NQO2: variants seen among roughly 807,000 people sequenced by gnomAD.
NQO2 encodes the protein N-ribosyldihydronicotinamide:quinone dehydrogenase 2, also known as ribosyldihydronicotinamide dehydrogenase [quinone].
NQO2 carries 18 observed loss-of-function variants against 22.0 expected under a neutral mutation model. The observed-to-expected ratio is 0.82, with a 90% CI of 0.56 to 1.21. The LOEUF (loss-of-function observed/expected upper bound fraction) is 1.21, where lower values mean the gene tolerates loss of function less well. NQO2 is among the 50% of genes most tolerant of loss of function. NQO2 has a pLI of 0.00. For synonymous variants in NQO2, 106 were observed against 110.8 expected (o/e 0.96, Z 0.28); for missense variants, 267 against 286.9 (o/e 0.93, Z 0.50).
intron 6 of NQO2, 107 bp downstream of exon 6, chr6:3,017,092 C>A: frequency 7.6e-7 from 1 of 1,310,406 alleles, no homozygotes; most frequent in Non-Finnish European, 1.1e-6. Context: ...ATGCCCTCAG[C>A]TCCCCGAGGG....
chr6:3,004,951 C>A (rs957490362), intron 1 of NQO2, among the ~76,000 whole-genome samples: 3 of 152,010 alleles, frequency 2.0e-5, no homozygotes, highest in Middle Eastern at 3.2e-3. Flanking sequence ...CACACCACCA[C>A]GCCCGGCTAA....
chr6:3,016,785 G>T (rs1367492799), intron 5 of NQO2, 99 bp from the exon 6 acceptor site: 47 of 1,536,252 alleles, frequency 3.1e-5, no homozygotes, highest in Non-Finnish European at 3.6e-5. Context: ...CCACACGCAT[G>T]TTCCCTGCTG....
chr6:3,010,074 C>T lies in NQO2; in HGVS notation c.57C>T (p.Asn19=), dbSNP rs569087749. ...CACACCAGGAACCCAAGTCTTTCAA[C>T]GGATCCTTGAAGAATGTGGCTGTAG... The part of the protein sequence containing the change: ...VYAHQEPKSF[N]GSLKNVAVDE... The change falls in exon 3 of 7, where the codon AAC becomes AAT. Residue 19 remains asparagine (N), a synonymous_variant. Coordinates refer to ENST00000380455, the MANE Select transcript of NQO2 (RefSeq NM_000904.6). 64 of 1,613,982 alleles carry T rather than the reference C, an allele frequency of 4.0e-5. No homozygotes were observed. Among genetic ancestry groups the T allele is most frequent in the Middle Eastern group, 1.6e-4 (1 of 6,062 alleles).
At chr6:3,017,221 A>T in intron 6 of NQO2, among the ~76,000 whole-genome samples, 1 of 152,236 alleles carries the variant, frequency 6.6e-6, no homozygotes, top group East Asian at 1.9e-4. Context: ...GAAAAGCTTG[A>T]CCAATAGGGA....
At chr6:3,018,667 T>G (rs915905782) in intron 6 of NQO2, among the ~76,000 whole-genome samples, 1 of 151,998 alleles carries the variant, frequency 6.6e-6, no homozygotes, top group Non-Finnish European at 1.5e-5. Flanking sequence ...GTGACATTTT[T>G]AGAAAAAAAG....
chr6:3,016,309 T>A (rs961843756), intron 5 of NQO2, among the ~76,000 whole-genome samples: 1 of 151,660 alleles, frequency 6.6e-6, no homozygotes, highest in Non-Finnish European at 1.5e-5. Context: ...TAGGCGCCTG[T>A]AGTCCCAGCT....
At chr6:3,018,249 G>A (rs1471517409) in intron 6 of NQO2, among the ~76,000 whole-genome samples, 2 of 152,348 alleles carry the variant, frequency 1.3e-5, no homozygotes, top group African/African-American at 4.8e-5. Flanking sequence ...GCTCACGCCT[G>A]TAATTCCAGC....
chr6:3,011,202 C>A (rs746921617), intron 3 of NQO2, among the ~76,000 whole-genome samples: 24 of 152,114 alleles, frequency 1.6e-4, no homozygotes, highest in Non-Finnish European at 3.5e-4. Flanking sequence ...ATGTGGTAAT[C>A]CTCAAGATCA....
At chr6:3,012,510 T>A (rs139701913) in intron 3 of NQO2, 34 bp from the exon 4 acceptor site, 1 of 1,613,328 alleles carries the variant, frequency 6.2e-7, no homozygotes, top group Non-Finnish European at 8.5e-7. Flanking sequence ...GATGCCCACC[T>A]AGGAGTGAGA....
Position 3,019,646 on chromosome 6 carries a change from C to A in NQO2, c.687C>A (p.Phe229Leu). Residue 229 changes from phenylalanine to leucine, a missense_variant, in exon 7 of 7, where the codon TTC becomes TTA. Transcript: ENST00000380455. Reference protein sequence around the residue: ...EPIPCTAHWHFGQ With the variant: ...EPIPCTAHWHLGQ ...TCCCCTGCACAGCCCACTGGCACTTCGGGCAATAACTCTGTGGCACGTGGG... is the reference window on the plus strand; with the variant it reads ...TCCCCTGCACAGCCCACTGGCACTTAGGGCAATAACTCTGTGGCACGTGGG... 1 of 1,606,182 alleles carries A rather than the reference C, an allele frequency of 6.2e-7. No individual in the cohort carries two copies.
At position 3,006,443 on chromosome 6, in the gene NQO2, C is replaced by G. The variant is rs189863866; in HGVS notation, c.-85-25C>G. The G allele has an allele frequency of 2.1e-5, 34 of 1,586,162 alleles. No individual in the cohort carries two copies. Among genetic ancestry groups the G allele is most frequent in the Middle Eastern group, 1.7e-4 (1 of 5,974 alleles). On this transcript the variant is annotated intron_variant, in intron 1 of 6. Transcript: ENST00000380455. The surrounding 1 kb of genome is among the most constrained non-coding windows in gnomAD (Gnocchi z 4.0). Reference sequence around the variant, plus strand: ...ACCTCACCTATGCCTCTCCCCACCCCCTCTGGGTTCGTTTTGTCTTCCAGA... The same window carrying G: ...ACCTCACCTATGCCTCTCCCCACCCGCTCTGGGTTCGTTTTGTCTTCCAGA...
intron 1 of NQO2, among the ~76,000 whole-genome samples, chr6:3,003,032 G>C (rs1370938477): frequency 6.6e-6 from 1 of 152,180 alleles, no homozygotes; most frequent in Non-Finnish European, 1.5e-5. Flanking sequence ...TGGGCCTTCT[G>C]CTTCCCTGGG....
intron 4 of NQO2, 137 bp from the exon 5 acceptor site, chr6:3,015,393 A>G: frequency 6.8e-7 from 1 of 1,470,370 alleles, no homozygotes; most frequent in South Asian, 1.4e-5. Context: ...AGAGCTGACC[A>G]TAAGGGTTAC....
chr6:3,000,953 C>A (rs1422613346), intron 1 of NQO2, among the ~76,000 whole-genome samples: 2 of 152,096 alleles, frequency 1.3e-5, no homozygotes, highest in East Asian at 3.8e-4. Flanking sequence ...AGCGATTCTC[C>A]CCCCTCAGCC....
Position 3,015,553 on chromosome 6 carries a change from G to C in NQO2, c.327G>C (p.Val109=). The change falls in exon 5 of 7, where the codon GTG becomes GTC. Residue 109 remains valine, a synonymous_variant. Coordinates refer to ENST00000380455, the MANE Select transcript of NQO2 (RefSeq NM_000904.6). ...AGTTCCCGCTGTACTGGTTCAGCGT[G>C]CCAGCCATCCTGAAGGGCTGGATGG... ...IFQFPLYWFS[V]PAILKGWMDR... 2.5e-6 allele frequency: 4 copies of C among 1,614,110 alleles called. No individual in the cohort carries two copies.
At chr6:3,015,745 C>G in intron 5 of NQO2, 102 bp downstream of exon 5, 1 of 1,155,844 alleles carries the variant, frequency 8.7e-7, no homozygotes, top group Non-Finnish European at 1.2e-6. Flanking sequence ...CTTTTCTTAG[C>G]AAATATCGAT....
intron 1 of NQO2, among the ~76,000 whole-genome samples, chr6:3,001,286 T>C (rs1190978881): frequency 6.6e-6 from 1 of 151,852 alleles, no homozygotes; most frequent in Non-Finnish European, 1.5e-5. Context: ...AAATGGAGTT[T>C]CACCATATTA....
intron 2 of NQO2, among the ~76,000 whole-genome samples, chr6:3,008,412 C>CAA (rs543349139): frequency 2.5e-4 from 21 of 83,564 alleles, no homozygotes; most frequent in East Asian, 1.6e-3. Flanking sequence ...AACTCTGTTT[C>CAA]AAAAAAAAAA....
intron 6 of NQO2, among the ~76,000 whole-genome samples, chr6:3,017,850 G>A (rs183589400): frequency 9.3e-4 from 141 of 152,252 alleles, no homozygotes; most frequent in Non-Finnish European, 1.6e-3. Context: ...GAAAATGCAC[G>A]CGTCACCCCT....
Sources: gnomAD v4.1 joint callset for allele counts (sites outside exome capture counted in the v4.1 genomes callset) on GRCh38, gnomAD v4.1.1 for gene constraint, Gnocchi (gnomAD v3.1) non-coding constraint, MANE v1.5 for transcripts, NCBI Gene and HGNC (gene_info 2026-07-23, HGNC 2026-07-21) for gene names.